SCN8A: variants seen among roughly 807,000 people sequenced by gnomAD.
The protein encoded by SCN8A is sodium channel protein type 8 subunit alpha.
SCN8A carries 30 observed loss-of-function variants against 184.1 expected under a neutral mutation model. The ratio of observed to expected loss-of-function variants is 0.16; its 90% CI spans 0.12 to 0.22. The LOEUF is 0.22. SCN8A is among the 10% of genes least tolerant of loss of function. The pLI is 1.00. For missense variants in SCN8A, 1,057 were observed against 2,498.9 expected, an observed-to-expected ratio of 0.42 and a Z score of 12.30; for synonymous variants, 852 against 907.0, an observed-to-expected ratio of 0.94 and a Z score of 1.09.
At chr12:51,668,795 A>G (rs1941081058) in intron 2 of SCN8A, among the ~76,000 whole-genome samples, 1 of 152,200 alleles carries the variant, frequency 6.6e-6, no homozygotes, top group Non-Finnish European at 1.5e-5. Context: ...GTTACTTTTT[A>G]AAGGAAGAGT....
At chr12:51,596,117 G>A (rs184207025) in intron 1 of SCN8A, among the ~76,000 whole-genome samples, 3 of 152,318 alleles carry the variant, frequency 2.0e-5, no homozygotes, top group East Asian at 3.9e-4. Flanking sequence ...ATGCTGACTT[G>A]AGCTGGATTT....
chr12:51,611,319 G>A (rs1016473662), intron 1 of SCN8A, among the ~76,000 whole-genome samples: 2 of 151,624 alleles, frequency 1.3e-5, no homozygotes, highest in South Asian at 2.1e-4. Flanking sequence ...CCGCCACCAC[G>A]CCTGGCTAAT....
chr12:51,678,443 A>G (rs985790479), intron 2 of SCN8A, among the ~76,000 whole-genome samples: 3 of 152,244 alleles, frequency 2.0e-5, no homozygotes, highest in Non-Finnish European at 4.4e-5. Context: ...CCTCAAATTT[A>G]TGGTTTGCTG....
rs999915312 is a variant in SCN8A at position 51,808,659 on chromosome 12, A to C, written c.*1230A>C. 1 of 152,192 alleles carries C rather than the reference A, an allele frequency of 6.6e-6. No individual in the cohort carries two copies. Among genetic ancestry groups the C allele is most frequent in the Admixed American group, 6.5e-5 (1 of 15,282 alleles). 9.4% of individuals were successfully genotyped at this position (152,192 alleles called of 1,614,324 possible). ...CTAGGGGTAATTTGGGGAACTTAAAATGACCTTTCATTGGGAGTTATGGGG... is the reference window on the plus strand; with the variant it reads ...CTAGGGGTAATTTGGGGAACTTAAACTGACCTTTCATTGGGAGTTATGGGG... On this transcript the variant is annotated 3_prime_UTR_variant, in exon 27 of 27. Coordinates refer to ENST00000627620, the MANE Select transcript of SCN8A (RefSeq NM_001330260.2).
rs756753738 is a variant in SCN8A, at chr12:51,721,734, C to A, written c.1824C>A (p.Arg608=). ...CCCTCTTCATCCCCATCCGGGCCCG[C>A]GAGCGCCGGAGCAGCTACAGCGGCT... ...RDSLFIPIRA[R]ERRSSYSGYS... The change falls in exon 12 of 27, where the codon CGC becomes CGA. Residue 608 remains arginine (R), a synonymous_variant. Transcript: ENST00000627620. The A allele has an allele frequency of 3.1e-6, 5 of 1,600,830 alleles. No individual in the cohort carries two copies. The highest frequency in any genetic ancestry group is 1.7e-4 in the Middle Eastern group (1 of 6,042).
chr12:51,806,256 A>T lies in SCN8A; in HGVS notation c.4796-26A>T, dbSNP rs199867492. 6.7e-7 allele frequency: 1 copy of T among 1,503,238 alleles called. No individual in the cohort carries two copies. The highest frequency in any genetic ancestry group is 2.3e-5 in the East Asian group (1 of 43,842). The allele number at this position is 1,503,238 out of a possible 1,614,324, so 93.1% of individuals were successfully genotyped here. On this transcript the variant is annotated intron_variant, in intron 26 of 26. Transcript: ENST00000627620. This position sits in a 1 kb window ranked among gnomAD's most constrained non-coding sequence, Gnocchi z 8.7. ...AAAGGGTGTCTCCCATCTCAATAAC[A>T]TAACTTCTTCTATTCCTCTTCTTAG...
At chr12:51,696,264 A>AGT (rs747971713) in intron 6 of SCN8A, among the ~76,000 whole-genome samples, 2 of 152,208 alleles carry the variant, frequency 1.3e-5, no homozygotes, top group Non-Finnish European at 2.9e-5. Context: ...AACCATTTTT[A>AGT]GTGACCCATT....
intron 1 of SCN8A, among the ~76,000 whole-genome samples, chr12:51,599,042 T>A (rs185913014): frequency 3.3e-4 from 50 of 152,322 alleles, no homozygotes; most frequent in Non-Finnish European, 6.2e-4. Context: ...GGGTTTTCCT[T>A]ATAGAATTAC....
intron 1 of SCN8A, among the ~76,000 whole-genome samples, chr12:51,651,069 T>C (rs909628257): frequency 6.6e-6 from 1 of 152,228 alleles, no homozygotes; most frequent in Non-Finnish European, 1.5e-5. Flanking sequence ...ATGCTATTGT[T>C]TGTGGTTTAA....
chr12:51,808,856 A>AGG lies in SCN8A; in HGVS notation c.*1429_*1430dup, dbSNP rs1213610260. 6.6e-6 allele frequency: 1 copy of AGG among 152,236 alleles called. No individual in the cohort carries two copies. The highest frequency in any genetic ancestry group is 2.4e-5 in the African/African-American group (1 of 41,440). The allele number at this position is 152,236 out of a possible 1,614,324, so 9.4% of individuals were successfully genotyped here. A position where few individuals can be genotyped will look rare whatever the true frequency, so the allele number is the denominator to read the frequency against. On this transcript the variant is annotated 3_prime_UTR_variant, in exon 27 of 27. Coordinates refer to ENST00000627620, the MANE Select transcript of SCN8A (RefSeq NM_001330260.2). ...CCTCCATCACATTTCTCCACTGAGC[A>AGG]GGGCTTCCCTTGCCCACAGAGGTGG...
intron 12 of SCN8A, among the ~76,000 whole-genome samples, chr12:51,744,673 G>T (rs1169942409): frequency 1.4e-5 from 2 of 147,550 alleles, no homozygotes; most frequent in African/African-American, 5.1e-5. Flanking sequence ...TCTAACTCCT[G>T]GGCTCATGTA....
intron 11 of SCN8A, among the ~76,000 whole-genome samples, chr12:51,711,140 A>G (rs1469285233): frequency 6.6e-6 from 1 of 152,112 alleles, no homozygotes; most frequent in African/African-American, 2.4e-5. Context: ...TTGTAATTTT[A>G]CCCTTGTCTT....
chr12:51,688,756 A>AG lies in SCN8A; in HGVS notation c.615-247dup. 1 of 1,611,600 alleles carries AG rather than the reference A, an allele frequency of 6.2e-7. No individual in the cohort carries two copies. Among genetic ancestry groups the AG allele is most frequent in the Non-Finnish European group, 8.5e-7 (1 of 1,177,712 alleles). On this transcript the variant is annotated intron_variant, in intron 5 of 26. Transcript: ENST00000627620. The stretch of plus-strand genomic sequence containing the variant: ...CAAGTTAACTTTGGTTTGATTCTGC[A>AG]GGTATATAACAGAGTTTGTAAACCT...
intron 1 of SCN8A, among the ~76,000 whole-genome samples, chr12:51,596,955 C>T (rs909308281): frequency 6.6e-6 from 1 of 152,156 alleles, no homozygotes; most frequent in African/African-American, 2.4e-5. Flanking sequence ...GTGTGAGACT[C>T]AGAGAACAGA....
rs116608708 is a variant in SCN8A at position 51,742,491 on chromosome 12, C to T, written c.1999-3412C>T. On this transcript the variant is annotated intron_variant, in intron 12 of 26. Coordinates refer to ENST00000627620, the MANE Select transcript of SCN8A (RefSeq NM_001330260.2). ...GTGTTCTAGGGTAAAAGTTTCTTTC[C>T]CTCAGCACTTTAAATATATCATTAC... Among the ~76,000 whole-genome samples, 1,237 of 151,988 alleles carry T rather than the reference C, an allele frequency of 8.1e-3. 14 individuals carry two copies. Among genetic ancestry groups the T allele is most frequent in the African/African-American group, 0.028 (1,176 of 41,442 alleles).
intron 14 of SCN8A, among the ~76,000 whole-genome samples, chr12:51,753,811 G>C (rs997018462): frequency 6.6e-6 from 1 of 152,154 alleles, no homozygotes; most frequent in Non-Finnish European, 1.5e-5. Flanking sequence ...AACTGTGTTA[G>C]TATAATTCAA....
chr12:51,698,096 C>T (rs577375090), intron 6 of SCN8A, among the ~76,000 whole-genome samples: 1 of 152,262 alleles, frequency 6.6e-6, no homozygotes, highest in East Asian at 1.9e-4. Flanking sequence ...TCAGGTGATC[C>T]ACCTTTCTTG....
rs60186852 is a variant in SCN8A, at chr12:51,707,031, G to T, written c.1635+316G>T. Among the ~76,000 whole-genome samples, 822 of 152,200 alleles carry T rather than the reference G, an allele frequency of 5.4e-3. 6 individuals are homozygous for T. The highest frequency in any genetic ancestry group is 0.019 in the African/African-American group (789 of 41,516). ...AACCTCTGGTTCCATCTATGTTGCT[G>T]CAAATGATAGGATTTCATTCTTTTT... On this transcript the variant is annotated intron_variant, in intron 11 of 26. Transcript: ENST00000627620.
chr12:51,774,759 C>T (rs866245780), intron 20 of SCN8A, among the ~76,000 whole-genome samples: 22 of 152,154 alleles, frequency 1.4e-4, no homozygotes, highest in Non-Finnish European at 2.6e-4. Context: ...GCTGTTGGGA[C>T]GAAGGTGGTA....
Sources: allele counts gnomAD v4.1 joint callset (sites outside exome capture counted in the v4.1 genomes callset), GRCh38; gene constraint gnomAD v4.1.1; non-coding constraint Gnocchi (gnomAD v3.1); transcripts MANE v1.5; gene names NCBI Gene and HGNC (gene_info 2026-07-23, HGNC 2026-07-21).